KCNAB1: variants seen among roughly 807,000 people sequenced by gnomAD.
KCNAB1 encodes the protein voltage-gated potassium channel subunit beta-1.
In KCNAB1, 35 loss-of-function variants were observed where a neutral mutation model predicts 64.6. That is an observed-to-expected ratio of 0.54 (90% confidence interval 0.41 to 0.72). KCNAB1 has a LOEUF of 0.72. Ranked by LOEUF, KCNAB1 falls within the 30% of genes least tolerant of loss-of-function variation. KCNAB1 has a pLI of 0.00. For synonymous variants in KCNAB1, 177 were observed against 183.8 expected, an observed-to-expected ratio of 0.96 and a Z score of 0.30; for missense variants, 401 against 512.9, an observed-to-expected ratio of 0.78 and a Z score of 2.11.
chr3:156,221,785 C>G (rs780722727), intron 1 of KCNAB1, among the ~76,000 whole-genome samples: 36 of 127,678 alleles, frequency 2.8e-4, no homozygotes, highest in Middle Eastern at 4.1e-3. Flanking sequence ...TCCCCCCCCG[C>G]CAAAAAAAAA....
At chr3:156,289,551 C>T (rs1263404391) in intron 1 of KCNAB1, among the ~76,000 whole-genome samples, 1 of 152,178 alleles carries the variant, frequency 6.6e-6, no homozygotes, top group South Asian at 2.1e-4. Context: ...GCTTCAAGTA[C>T]TCCTCCCTCA....
At chr3:156,377,637 C>T (rs1228097571) in intron 1 of KCNAB1, among the ~76,000 whole-genome samples, 1 of 152,118 alleles carries the variant, frequency 6.6e-6, no homozygotes, top group African/African-American at 2.4e-5. Flanking sequence ...CTCTTTTCCT[C>T]ATCGCCACCG....
chr3:156,487,205 T>C (rs1468578665), intron 8 of KCNAB1, among the ~76,000 whole-genome samples: 3 of 152,128 alleles, frequency 2.0e-5, no homozygotes, highest in Admixed American at 6.6e-5. Context: ...GATTCGAGTC[T>C]CCATAAATTA....
At chr3:156,354,047 A>ATGTGTGTGTGTG (rs368761986) in intron 1 of KCNAB1, among the ~76,000 whole-genome samples, 123 of 137,578 alleles carry the variant, frequency 8.9e-4, no homozygotes, top group African/African-American at 3.2e-3. Context: ...GTGTATATAT[A>ATGTGTGTGTGTG]TGTGTGTGTG....
intron 1 of KCNAB1, chr3:156,176,488 C>A: frequency 1.3e-6 from 1 of 791,444 alleles, no homozygotes; most frequent in Non-Finnish European, 2.3e-6. Context: ...CCCTCTTGCC[C>A]GTTTCACTAT....
At chr3:156,531,179 G>A (rs937015611) in intron 12 of KCNAB1, among the ~76,000 whole-genome samples, 2 of 152,086 alleles carry the variant, frequency 1.3e-5, no homozygotes, top group African/African-American at 2.4e-5. Context: ...ATTGTCCAGC[G>A]CCTCTATGCA....
chr3:156,296,615 A>G (rs368992193), intron 1 of KCNAB1, among the ~76,000 whole-genome samples: 5 of 151,992 alleles, frequency 3.3e-5, no homozygotes, highest in East Asian at 3.9e-4. Context: ...CTGGGACTAC[A>G]GGTGCCCACC....
intron 1 of KCNAB1, among the ~76,000 whole-genome samples, chr3:156,316,997 T>A (rs1722318433): frequency 6.6e-6 from 1 of 152,112 alleles, no homozygotes; most frequent in Non-Finnish European, 1.5e-5. Context: ...ATGAGAGAAA[T>A]GACTAGCACA....
chr3:156,374,933 G>T lies in KCNAB1; in HGVS notation c.276-46683G>T, dbSNP rs1228697656. 1.5e-5 allele frequency among the ~76,000 whole-genome samples: 2 copies of T among 135,824 alleles called. 1 individual carries two copies. The highest frequency in any genetic ancestry group is 6.6e-5 in the African/African-American group (2 of 30,456). The allele number at this position is 135,824 out of a possible 152,430, so 89.1% of individuals were successfully genotyped here. ...GAGTTCTCATTATAGAAAACACAAA[G>T]AAATTTAAAATGTTAAGCCAACATC... On this transcript the variant is annotated intron_variant, in intron 1 of 13. Transcript: ENST00000490337.
intron 1 of KCNAB1, among the ~76,000 whole-genome samples, chr3:156,288,825 G>A (rs559515306): frequency 6.6e-6 from 1 of 152,366 alleles, no homozygotes; most frequent in East Asian, 1.9e-4. Context: ...CCTTTCAAGT[G>A]AGCTGGCTGT....
chr3:156,162,756 G>T (rs1049150681), intron 1 of KCNAB1, among the ~76,000 whole-genome samples: 6 of 152,086 alleles, frequency 3.9e-5, no homozygotes, highest in African/African-American at 1.4e-4. Context: ...CCCTGGGACA[G>T]CCTGGGGAGA....
rs896843792 is a variant in KCNAB1, at chr3:156,185,568, T to C, written c.275+64682T>C. Among the ~76,000 whole-genome samples the C allele has an allele frequency of 9.2e-5, 14 of 152,186 alleles. 1 individual carries two copies. The highest frequency in any genetic ancestry group is 2.9e-5 in the Non-Finnish European group (2 of 68,032). The stretch of plus-strand genomic sequence containing the variant: ...AAAGACCCAGCCTGAGTTGAATGCT[T>C]ATATAGTGAATTGGAGAAAGATTAG... On this transcript the variant is annotated intron_variant, in intron 1 of 13. Coordinates refer to ENST00000490337, the MANE Select transcript of KCNAB1 (RefSeq NM_172160.3).
chr3:156,383,865 C>T (rs773861098), intron 1 of KCNAB1, among the ~76,000 whole-genome samples: 1 of 152,142 alleles, frequency 6.6e-6, no homozygotes, highest in East Asian at 1.9e-4. Flanking sequence ...TTTTGAGCCT[C>T]GCAGCTCTGC....
chr3:156,411,199 A>AT (rs555194207), intron 1 of KCNAB1, among the ~76,000 whole-genome samples: 2 of 151,528 alleles, frequency 1.3e-5, no homozygotes, highest in Non-Finnish European at 2.9e-5. Context: ...GGTGTTGAGC[A>AT]TTTTTTTTCA....
At chr3:156,134,637 A>T (rs371705059) in intron 1 of KCNAB1, among the ~76,000 whole-genome samples, 2 of 152,228 alleles carry the variant, frequency 1.3e-5, no homozygotes, top group African/African-American at 4.8e-5. Context: ...GAAAATGTCA[A>T]ATGCTGAAAT....
intron 1 of KCNAB1, among the ~76,000 whole-genome samples, chr3:156,138,162 C>CT (rs911092880): frequency 2.0e-5 from 3 of 152,184 alleles, no homozygotes; most frequent in Non-Finnish European, 4.4e-5. Context: ...CAAGGTAGCT[C>CT]TGGCAAGGGT....
At chr3:156,524,164 A>G in intron 12 of KCNAB1, 1 of 483,494 alleles carries the variant, frequency 2.1e-6, no homozygotes, top group Non-Finnish European at 3.6e-6. Flanking sequence ...CCTTGCTCTT[A>G]TAACATAGTT....
chr3:156,248,250 T>C (rs1717584443), intron 1 of KCNAB1, among the ~76,000 whole-genome samples: 1 of 152,246 alleles, frequency 6.6e-6, no homozygotes, highest in African/African-American at 2.4e-5. Context: ...GCATTGTTGC[T>C]TTAACTGTTC....
At chr3:156,372,552 T>C (rs1726380559) in intron 1 of KCNAB1, among the ~76,000 whole-genome samples, 1 of 152,186 alleles carries the variant, frequency 6.6e-6, no homozygotes, top group Non-Finnish European at 1.5e-5. Context: ...ATGATGCTGG[T>C]GGACAGGGTG....
Sources: gnomAD v4.1 joint callset for allele counts (sites outside exome capture counted in the v4.1 genomes callset) on GRCh38, gnomAD v4.1.1 for gene constraint, MANE v1.5 for transcripts, NCBI Gene and HGNC (gene_info 2026-07-23, HGNC 2026-07-21) for gene names.